Variants in UGGT1 observed in about 807,000 individuals in gnomAD.
The protein encoded by UGGT1 is UDP-glucose glycoprotein glucosyltransferase 1, also known as UDP-glucose:glycoprotein glucosyltransferase 1.
Under a neutral mutation model 203.9 loss-of-function variants are expected in UGGT1, and 107 were observed. The ratio of observed to expected loss-of-function variants is 0.52; its 90% CI spans 0.45 to 0.62. UGGT1 has a LOEUF of 0.62. UGGT1 is among the 20% of genes least tolerant of loss of function. UGGT1 has a pLI of 0.00. For synonymous variants in UGGT1, 628 were observed against 653.5 expected, an observed-to-expected ratio of 0.96 and a Z score of 0.59; for missense variants, 1,673 against 1,867.2, an observed-to-expected ratio of 0.90 and a Z score of 1.92.
In UGGT1 at chr2:128,173,919, AC is replaced by A; in HGVS notation, c.3435del (p.Ile1146LeufsTer11). 6.2e-7 allele frequency: 1 copy of A among 1,614,174 alleles called. No individual in the cohort carries two copies. The highest frequency in any genetic ancestry group is 8.5e-7 in the Non-Finnish European group (1 of 1,180,022). On this transcript the variant is annotated frameshift_variant, in exon 30 of 41. Coordinates refer to ENST00000259253, the MANE Select transcript of UGGT1 (RefSeq NM_020120.4). LOFTEE classifies it high-confidence loss of function. Reference sequence around the variant, plus strand: ...TTCAGCCAACCCGGTCATTGTGGACACCATTGTTATGGCCAATCTGGTAAAT... The same window carrying A: ...TTCAGCCAACCCGGTCATTGTGGACACATTGTTATGGCCAATCTGGTAAAT... ...GTSANPVIVD[T>X]IVMANLGYFQ...
Position 128,120,437 on chromosome 2 carries a change from A to G in UGGT1, c.954A>G (p.Leu318=), listed in dbSNP as rs574148141. The change falls in exon 9 of 41, where the codon TTA becomes TTG. Residue 318 remains leucine (L), a synonymous_variant. Transcript: ENST00000259253. ...AGAGCACCAATGAAATGGCACCTTTAAAGGTTTGGCAGTTGCAAGGTAATG... is the reference window on the plus strand; with the variant it reads ...AGAGCACCAATGAAATGGCACCTTTGAAGGTTTGGCAGTTGCAAGGTAATG... ...LVESTNEMAP[L]KVWQLQDLSF... is the part of the protein sequence containing the mutation. The G allele has an allele frequency of 9.3e-5, 150 of 1,614,038 alleles. 1 individual carries two copies. Among genetic ancestry groups the G allele is most frequent in the Admixed American group, 8.3e-4 (50 of 59,996 alleles).
At chr2:128,181,134 A>C (rs1691670776) in intron 36 of UGGT1, 62 bp downstream of exon 36, 1 of 1,489,578 alleles carries the variant, frequency 6.7e-7, no homozygotes, top group African/African-American at 1.4e-5. Context: ...GCTTCTTTTT[A>C]AATGCTATTT....
chr2:128,188,902 A>C (rs1692124862), intron 40 of UGGT1, among the ~76,000 whole-genome samples: 1 of 152,248 alleles, frequency 6.6e-6, no homozygotes, highest in African/African-American at 2.4e-5. Flanking sequence ...TCACAGCTGG[A>C]AGGTTATATA....
intron 26 of UGGT1, among the ~76,000 whole-genome samples, chr2:128,167,543 A>T (rs1316680385): frequency 6.6e-6 from 1 of 152,210 alleles, no homozygotes; most frequent in Non-Finnish European, 1.5e-5. Context: ...GTCCTGAGGA[A>T]TCAGCACCTG....
intron 18 of UGGT1, among the ~76,000 whole-genome samples, chr2:128,149,202 C>T (rs1176824786): frequency 6.6e-6 from 1 of 151,938 alleles, no homozygotes; most frequent in Non-Finnish European, 1.5e-5. Flanking sequence ...CCACCACATG[C>T]AGCTAATTTT....
chr2:128,121,593 G>GA (rs1023849755), intron 10 of UGGT1, among the ~76,000 whole-genome samples: 3 of 152,042 alleles, frequency 2.0e-5, no homozygotes, highest in Non-Finnish European at 4.4e-5. Flanking sequence ...TTTTAGTAGA[G>GA]ACAGGGTTTC....
chr2:128,177,118 A>C (rs1287987780), intron 32 of UGGT1, among the ~76,000 whole-genome samples: 1 of 152,082 alleles, frequency 6.6e-6, no homozygotes, highest in African/African-American at 2.4e-5. Context: ...GTCCCATCTT[A>C]TATAAAATAT....
chr2:128,176,656 C>A (rs946431875), intron 31 of UGGT1, among the ~76,000 whole-genome samples, 158 bp from the exon 32 acceptor site: 27 of 152,176 alleles, frequency 1.8e-4, no homozygotes, highest in African/African-American at 6.0e-4. Context: ...GGTTTCAACA[C>A]GTGCTTCTGT....
rs1687678974 is a variant in UGGT1, at chr2:128,107,974, C to T, written c.314C>T (p.Ala105Val). 1 of 1,614,100 alleles carries T rather than the reference C, an allele frequency of 6.2e-7. No individual in the cohort carries two copies. The highest frequency in any genetic ancestry group is 8.5e-7 in the Non-Finnish European group (1 of 1,180,002). ...DYSYYHAILEAAFQFLSPLQQ... is the reference protein window; with the variant it reads ...DYSYYHAILEVAFQFLSPLQQ... ...TCCTACTATCATGCAATATTGGAGGCTGCATTTCAGTTTCTGTCACCCCTC... is the reference window on the plus strand; with the variant it reads ...TCCTACTATCATGCAATATTGGAGGTTGCATTTCAGTTTCTGTCACCCCTC... The change falls in exon 4 of 41, where the codon GCT (alanine) becomes GTT (valine). Residue 105 changes from alanine (A) to valine (V), a missense_variant. This residue lies in a region of UGGT1 where 1,073 missense variants were observed against 1,078.7 expected (regional missense o/e 0.99). Coordinates refer to ENST00000259253, the MANE Select transcript of UGGT1 (RefSeq NM_020120.4).
At chr2:128,105,938 T>C (rs11892307) in intron 3 of UGGT1, among the ~76,000 whole-genome samples, 24,947 of 152,078 alleles carry the variant, frequency 0.16, 2,412 homozygotes, top group South Asian at 0.32. Context: ...GCTGGTATTA[T>C]AGGTGTGTAC....
chr2:128,129,985 G>A (rs1464956688), intron 13 of UGGT1, among the ~76,000 whole-genome samples: 1 of 151,968 alleles, frequency 6.6e-6, no homozygotes, highest in Admixed American at 6.6e-5. Context: ...ATAGGGCTGG[G>A]CTTGGTGGCT....
intron 17 of UGGT1, among the ~76,000 whole-genome samples, chr2:128,144,241 T>G (rs1045102351): frequency 1.3e-4 from 20 of 152,214 alleles, no homozygotes; most frequent in African/African-American, 4.6e-4. Context: ...GTTTGTTAAT[T>G]ATTTATCATT....
chr2:128,116,018 TC>T (rs34174925), intron 7 of UGGT1, among the ~76,000 whole-genome samples: 4,693 of 152,254 alleles, frequency 0.031, 115 homozygotes, highest in Non-Finnish European at 0.045. Flanking sequence ...TGTAAAATTT[TC>T]CAAAGTTTAA....
intron 16 of UGGT1, among the ~76,000 whole-genome samples, chr2:128,140,823 A>G (rs2105449971): frequency 6.6e-6 from 1 of 152,236 alleles, no homozygotes; most frequent in South Asian, 2.1e-4. Flanking sequence ...GACTACAGGC[A>G]TGCATCACCA....
Position 128,143,076 on chromosome 2 carries a change from T to A in UGGT1, c.1720-18T>A. 6.4e-7 allele frequency: 1 copy of A among 1,572,470 alleles called. No homozygotes were observed. Among genetic ancestry groups the A allele is most frequent in the Middle Eastern group, 1.7e-4 (1 of 5,878 alleles). ...GAACTTAAAAGTGTAGTTAACCAACTGTTTTTTCTTTCTTCAGATCTATAA... is the reference window on the plus strand; with the variant it reads ...GAACTTAAAAGTGTAGTTAACCAACAGTTTTTTCTTTCTTCAGATCTATAA... On this transcript the variant is annotated intron_variant, in intron 16 of 40. Coordinates refer to ENST00000259253, the MANE Select transcript of UGGT1 (RefSeq NM_020120.4).
chr2:128,129,633 A>G (rs1688782471), intron 13 of UGGT1, among the ~76,000 whole-genome samples: 1 of 151,984 alleles, frequency 6.6e-6, no homozygotes, highest in African/African-American at 2.4e-5. Flanking sequence ...TCCTGACCTC[A>G]GGTGATACAC....
chr2:128,098,763 A>AG (rs1687232190), intron 2 of UGGT1, among the ~76,000 whole-genome samples: 1 of 151,794 alleles, frequency 6.6e-6, no homozygotes, highest in Non-Finnish European at 1.5e-5. Context: ...AAAAAAAAAA[A>AG]GGGAAAGAAG....
chr2:128,143,009 C>A, intron 16 of UGGT1, 85 bp from the exon 17 acceptor site: 1 of 1,318,526 alleles, frequency 7.6e-7, no homozygotes, highest in South Asian at 1.7e-5. Flanking sequence ...AGTATATTTT[C>A]CTCTAAATTC....
intron 2 of UGGT1, among the ~76,000 whole-genome samples, chr2:128,099,868 C>T (rs1010477689): frequency 1.1e-4 from 17 of 152,012 alleles, no homozygotes; most frequent in African/African-American, 3.9e-4. Flanking sequence ...AAGCAAATAA[C>T]AAACAAAAAA....
Sources: gnomAD v4.1 joint callset for allele counts (sites outside exome capture counted in the v4.1 genomes callset) on GRCh38, gnomAD v4.1.1 for gene constraint, gnomAD v4.1.1 regional missense constraint, MANE v1.5 for transcripts, NCBI Gene and HGNC (gene_info 2026-07-23, HGNC 2026-07-21) for gene names.